The following NFIC variants were observed in gnomAD, a reference collection of about 807,000 sequenced individuals.
NFIC encodes the protein nuclear factor I C.
Under a neutral mutation model 54.4 loss-of-function variants are expected in NFIC, and 12 were observed. That is an observed-to-expected ratio of 0.22 (90% CI 0.14 to 0.36). The LOEUF (loss-of-function observed/expected upper bound fraction) is 0.36. Among genes scored for constraint, NFIC ranks in the 10% least tolerant of loss-of-function variants. NFIC has a pLI of 1.00. For missense variants in NFIC, 575 were observed against 718.2 expected (o/e 0.80, Z 2.28); for synonymous variants, 322 against 319.2 (o/e 1.01, Z -0.09).
At chr19:3,450,307 T>G (rs1306430510) in intron 7 of NFIC, among the ~76,000 whole-genome samples, 11 of 149,418 alleles carry the variant, frequency 7.4e-5, no homozygotes, top group Non-Finnish European at 1.5e-4. Flanking sequence ...ATCGTGCCAG[T>G]GCACTCCAGC....
In NFIC at chr19:3,463,269, C is replaced by T. The variant is rs945112490; in HGVS notation, c.*500C>T. The T allele has an allele frequency of 2.2e-5, 22 of 990,228 alleles. No individual in the cohort carries two copies. In the East Asian group the frequency reaches 2.3e-3, roughly 101 times the overall value. 61.3% of individuals were successfully genotyped at this position (990,228 alleles called of 1,614,324 possible). On this transcript the variant is annotated 3_prime_UTR_variant, in exon 11 of 11. Coordinates refer to ENST00000443272, the MANE Select transcript of NFIC (RefSeq NM_001245002.2). ...GACACCCAGCAAGGCCACCTCTCCC[C>T]GGGCCCCCGCGCCTCTGCCGGACAC...
rs763854137 is a variant in NFIC at position 3,452,611 on chromosome 19, C to T, written c.1214C>T (p.Pro405Leu). 10 of 1,613,542 alleles carry T rather than the reference C, an allele frequency of 6.2e-6. No homozygotes were observed. Among genetic ancestry groups the T allele is most frequent in the Admixed American group, 3.3e-5 (2 of 59,960 alleles). ...CCACCTCATCTCAACCCCCAGGACC[C>T]GCTCAAAGATCTTGTCTCGCTGGCC... Reference protein sequence around the residue: ...RYPPHLNPQDPLKDLVSLACD... With the variant: ...RYPPHLNPQDLLKDLVSLACD... Residue 405 changes from proline to leucine, a missense_variant, in exon 8 of 11, where the codon CCG (proline) becomes CTG (leucine). Around this residue, in one of 3 missense-constraint regions of NFIC, gnomAD observed 447 missense variants for 526.9 expected, o/e 0.85. Coordinates refer to ENST00000443272, the MANE Select transcript of NFIC (RefSeq NM_001245002.2). This position sits in a 1 kb window ranked among gnomAD's most constrained non-coding sequence, Gnocchi z 5.3.
At chr19:3,403,747 C>T (rs1375127064) in intron 2 of NFIC, among the ~76,000 whole-genome samples, 2 of 152,180 alleles carry the variant, frequency 1.3e-5, no homozygotes, top group Non-Finnish European at 2.9e-5. Flanking sequence ...GGACTCCCCG[C>T]GGGCTGCCCA....
intron 10 of NFIC, among the ~76,000 whole-genome samples, chr19:3,460,954 G>A (rs1222130469): frequency 6.6e-6 from 1 of 151,828 alleles, no homozygotes; most frequent in Non-Finnish European, 1.5e-5. Flanking sequence ...GAGAAACCCC[G>A]TTTCTACCAA....
At chr19:3,460,359 C>T (rs2082621453) in intron 10 of NFIC, among the ~76,000 whole-genome samples, 2 of 152,194 alleles carry the variant, frequency 1.3e-5, no homozygotes, top group South Asian at 2.1e-4. Flanking sequence ...AGTTCCACCT[C>T]TGCCGCTTCC....
chr19:3,406,279 A>T (rs8111953), intron 2 of NFIC, among the ~76,000 whole-genome samples: 17,308 of 151,078 alleles, frequency 0.11, 1,211 homozygotes, highest in African/African-American at 0.18. Context: ...TTTTTAGTAG[A>T]GATGGGGTTT....
Position 3,463,757 on chromosome 19 carries a change from A to G in NFIC, c.*988A>G. 8 of 985,232 alleles carry G rather than the reference A, an allele frequency of 8.1e-6. No homozygotes were observed. The highest frequency in any genetic ancestry group is 9.6e-6 in the Non-Finnish European group (8 of 829,978). 61.0% of individuals were successfully genotyped at this position (985,232 alleles called of 1,614,324 possible). ...AGGGGATGGGGGAGCCCGGACACCC[A>G]GAGCTCCCCGAGTTGGGGGTGCCCG... On this transcript the variant is annotated 3_prime_UTR_variant, in exon 11 of 11. Transcript: ENST00000443272.
chr19:3,456,743 C>A, intron 10 of NFIC, 108 bp downstream of exon 10: 1 of 1,107,316 alleles, frequency 9.0e-7, no homozygotes, highest in Non-Finnish European at 1.3e-6. Context: ...ACACCCCTGG[C>A]ACAGGGGCGC....
At chr19:3,387,908 C>T (rs1336087035) in intron 2 of NFIC, among the ~76,000 whole-genome samples, 2 of 152,084 alleles carry the variant, frequency 1.3e-5, no homozygotes, top group Non-Finnish European at 2.9e-5. Context: ...TCTGCCCGCC[C>T]AGGGCCTAAA....
chr19:3,362,474 G>A (rs946103763), upstream of NFIC, among the ~76,000 whole-genome samples: 2 of 151,894 alleles, frequency 1.3e-5, no homozygotes, highest in African/African-American at 4.8e-5. Context: ...CAGGTGTGGG[G>A]GGAAGGCTGT....
chr19:3,434,013 T>G (rs1385610354), intron 4 of NFIC, among the ~76,000 whole-genome samples: 1 of 152,186 alleles, frequency 6.6e-6, no homozygotes, highest in African/African-American at 2.4e-5. Context: ...TAGCCCTGAC[T>G]GACACCTTCC....
intron 3 of NFIC, among the ~76,000 whole-genome samples, chr19:3,429,712 C>T (rs1047885117): frequency 2.0e-5 from 3 of 152,194 alleles, no homozygotes; most frequent in African/African-American, 4.8e-5. Context: ...CTGCTCCCAC[C>T]GCCACCCAAA....
chr19:3,360,206 A>C (rs2080792199), intron 1 of NFIC, among the ~76,000 whole-genome samples: 2 of 144,582 alleles, frequency 1.4e-5, no homozygotes, highest in African/African-American at 5.0e-5. Context: ...CGCTGCGGAG[A>C]GGGGCGGAGA....
chr19:3,421,758 T>C (rs6510748), intron 2 of NFIC, among the ~76,000 whole-genome samples: 141,030 of 152,240 alleles, frequency 0.93, 65,441 homozygotes, highest in African/African-American at 0.96. Flanking sequence ...TTGATCATTC[T>C]CACAGCAACC....
intron 6 of NFIC, among the ~76,000 whole-genome samples, chr19:3,436,017 G>A (rs1347632748): frequency 6.6e-6 from 1 of 151,766 alleles, no homozygotes; most frequent in Non-Finnish European, 1.5e-5. Flanking sequence ...TAGTACAGAC[G>A]GGGTTTCACC....
At chr19:3,388,609 G>C (rs2081333355) in intron 2 of NFIC, among the ~76,000 whole-genome samples, 1 of 151,668 alleles carries the variant, frequency 6.6e-6, no homozygotes, top group South Asian at 2.1e-4. Flanking sequence ...GATCACTTGA[G>C]GCCAGGAGTT....
In NFIC at chr19:3,456,571, C is replaced by T. The variant is rs2082561146; in HGVS notation, c.1445C>T (p.Ser482Phe). The T allele has an allele frequency of 2.6e-6, 4 of 1,553,570 alleles. No homozygotes were observed. In the East Asian group the frequency reaches 7.3e-5, roughly 28 times the overall value. ...TSPSYSPPDT[S>F]PANRSFVGLG... ...GCAGCCTACTCTCCGCCCGACACGTCCCCTGCAAACCGTTCCTTTGTGGGA... is the reference window on the plus strand; with the variant it reads ...GCAGCCTACTCTCCGCCCGACACGTTCCCTGCAAACCGTTCCTTTGTGGGA... The change falls in exon 10 of 11, where the codon TCC becomes TTC. Residue 482 changes from serine (S) to phenylalanine (F), a missense_variant. Ser to Phe is a radical substitution (Grantham distance 155, BLOSUM62 -2). Around this residue, in one of 3 missense-constraint regions of NFIC, gnomAD observed 447 missense variants for 526.9 expected, o/e 0.85. Coordinates refer to ENST00000443272, the MANE Select transcript of NFIC (RefSeq NM_001245002.2).
intron 3 of NFIC, among the ~76,000 whole-genome samples, chr19:3,430,090 C>T (rs2082097778): frequency 6.6e-6 from 1 of 152,156 alleles, no homozygotes. Context: ...AGCCGCCTGC[C>T]TTACCACAGG....
In NFIC at chr19:3,415,279, AT is replaced by A. The variant is rs925227846; in HGVS notation, c.563-9815del. ...GGGTGCATGCCAGCACACCCAGCTA[AT>A]TTTTTTTTTTTGGTACTTTTAGTAG... On this transcript the variant is annotated intron_variant, in intron 2 of 10. Coordinates refer to ENST00000443272, the MANE Select transcript of NFIC (RefSeq NM_001245002.2). Among the ~76,000 whole-genome samples, 661 of 144,330 alleles carry A rather than the reference AT, an allele frequency of 4.6e-3. 6 individuals carry two copies. The highest frequency in any genetic ancestry group is 0.014 in the African/African-American group (538 of 39,522). The allele number at this position is 144,330 out of a possible 152,430, so 94.7% of individuals were successfully genotyped here. A position where few individuals can be genotyped will look rare whatever the true frequency, so the allele number is the denominator to read the frequency against.
Sources: allele counts gnomAD v4.1 joint callset (sites outside exome capture counted in the v4.1 genomes callset), GRCh38; gene constraint gnomAD v4.1.1; regional missense constraint gnomAD v4.1.1; non-coding constraint Gnocchi (gnomAD v3.1); transcripts MANE v1.5; gene names NCBI Gene and HGNC (gene_info 2026-07-23, HGNC 2026-07-21).